Variants in QKI observed in about 807,000 individuals in gnomAD.
The protein encoded by QKI is QKI, KH domain containing RNA binding.
In QKI, 10 loss-of-function variants were observed where a neutral mutation model predicts 39.0. The ratio of observed to expected loss-of-function variants is 0.26; its 90% CI spans 0.16 to 0.43. QKI has a LOEUF of 0.43. Ranked by LOEUF, QKI falls within the 20% of genes least tolerant of loss-of-function variation. The pLI is 1.00. For synonymous variants in QKI, 204 were observed against 155.4 expected (o/e 1.31, Z -2.33); for missense variants, 218 against 428.0 (o/e 0.51, Z 4.33).
chr6:163,553,004 C>G (rs960568705), intron 4 of QKI, among the ~76,000 whole-genome samples: 1 of 150,844 alleles, frequency 6.6e-6, no homozygotes, highest in Non-Finnish European at 1.5e-5. Context: ...TGTCCCACCT[C>G]TCAAAACTAA....
intron 3 of QKI, among the ~76,000 whole-genome samples, chr6:163,487,584 G>T (rs899465939): frequency 2.6e-5 from 4 of 151,858 alleles, no homozygotes; most frequent in Non-Finnish European, 5.9e-5. Context: ...GATCTCTTAA[G>T]CCACTTCCCA....
chr6:163,544,229 T>TA (rs1781725880), intron 4 of QKI, among the ~76,000 whole-genome samples: 1 of 152,024 alleles, frequency 6.6e-6, no homozygotes, highest in Non-Finnish European at 1.5e-5. Context: ...AATGAAGTGA[T>TA]ATGTGGGCGT....
At chr6:163,550,581 C>T (rs1782164531) in intron 4 of QKI, among the ~76,000 whole-genome samples, 1 of 152,094 alleles carries the variant, frequency 6.6e-6, no homozygotes, top group African/African-American at 2.4e-5. Context: ...ACAGCAGTTG[C>T]CTTTTTTTCA....
intron 1 of QKI, among the ~76,000 whole-genome samples, chr6:163,454,846 G>C (rs1008344272): frequency 6.6e-6 from 1 of 152,102 alleles, no homozygotes; most frequent in African/African-American, 2.4e-5. Context: ...AAGTGGTCCC[G>C]TTTAAATATC....
chr6:163,499,812 G>A (rs1373683651), intron 3 of QKI, among the ~76,000 whole-genome samples: 9 of 152,224 alleles, frequency 5.9e-5, no homozygotes, highest in Admixed American at 3.9e-4. Context: ...AAACTGGGAG[G>A]TTCTTGCTCT....
At chr6:163,516,656 T>C (rs1311068713) in intron 3 of QKI, among the ~76,000 whole-genome samples, 1 of 152,214 alleles carries the variant, frequency 6.6e-6, no homozygotes, top group African/African-American at 2.4e-5. Flanking sequence ...TTTAATACCT[T>C]GATGACTTAT....
chr6:163,456,258 C>G (rs1300862242), intron 2 of QKI, among the ~76,000 whole-genome samples: 1 of 151,330 alleles, frequency 6.6e-6, no homozygotes, highest in Non-Finnish European at 1.5e-5. Flanking sequence ...CTTTTTTTTT[C>G]TTTGCAATAG....
chr6:163,434,037 C>T (rs1258814729), intron 1 of QKI, among the ~76,000 whole-genome samples: 1 of 152,070 alleles, frequency 6.6e-6, no homozygotes, highest in East Asian at 1.9e-4. Context: ...TTAGCAAAAC[C>T]GATGTCGATT....
intron 3 of QKI, among the ~76,000 whole-genome samples, chr6:163,528,186 C>T (rs1348947572): frequency 1.3e-5 from 2 of 152,144 alleles, no homozygotes; most frequent in African/African-American, 4.8e-5. Context: ...TAAATAATCT[C>T]ATCTACCCCT....
At chr6:163,485,598 A>C (rs1272006204) in intron 3 of QKI, among the ~76,000 whole-genome samples, 1 of 152,210 alleles carries the variant, frequency 6.6e-6, no homozygotes, top group Non-Finnish European at 1.5e-5. Context: ...CAAGAGGAGA[A>C]TAAGTAGCCA....
chr6:163,537,182 A>G (rs2128241820), intron 4 of QKI, among the ~76,000 whole-genome samples: 1 of 152,318 alleles, frequency 6.6e-6, no homozygotes, highest in Admixed American at 6.5e-5. Flanking sequence ...TGGGTGACAG[A>G]ATAAGACCCT....
intron 1 of QKI, among the ~76,000 whole-genome samples, chr6:163,452,630 C>T (rs551672457): frequency 6.6e-6 from 1 of 152,298 alleles, no homozygotes; most frequent in South Asian, 2.1e-4. Context: ...CAAGGAATCA[C>T]ATAGGTATTT....
chr6:163,520,109 GGAATT>G (rs2128237369), intron 3 of QKI, among the ~76,000 whole-genome samples: 1 of 152,162 alleles, frequency 6.6e-6, no homozygotes, highest in Non-Finnish European at 1.5e-5. Context: ...AATAGGGAGA[GGAATT>G]GAAGAATTTC....
At position 163,566,759 on chromosome 6, in the gene QKI, G is replaced by A; in HGVS notation, c.973G>A (p.Val325Ile). The change falls in exon 7 of 8, where the codon GTC becomes ATC. Residue 325 changes from valine to isoleucine, a missense_variant. Coordinates refer to ENST00000361752, the MANE Select transcript of QKI (RefSeq NM_006775.3). ...ATKVRRHDMRVHPYQRIVTAD... is the reference protein window; with the variant it reads ...ATKVRRHDMRIHPYQRIVTAD... Reference sequence around the variant, plus strand: ...TAAAGTTCGAAGGCACGATATGCGTGTCCATCCTTACCAAAGGATTGTGAC... The same window carrying A: ...TAAAGTTCGAAGGCACGATATGCGTATCCATCCTTACCAAAGGATTGTGAC... 6.2e-7 allele frequency: 1 copy of A among 1,613,818 alleles called. No individual in the cohort carries two copies. The highest frequency in any genetic ancestry group is 1.7e-5 in the Admixed American group (1 of 59,992).
intron 3 of QKI, among the ~76,000 whole-genome samples, chr6:163,479,883 A>C (rs1475032101): frequency 6.6e-6 from 1 of 152,240 alleles, no homozygotes; most frequent in Admixed American, 6.5e-5. Context: ...GATGTATGTC[A>C]GATCACTGGG....
chr6:163,491,275 T>C (rs1778038263), intron 3 of QKI, among the ~76,000 whole-genome samples: 1 of 152,146 alleles, frequency 6.6e-6, no homozygotes, highest in Admixed American at 6.5e-5. Flanking sequence ...AAACTGTCTT[T>C]TATCAAGAGA....
intron 1 of QKI, among the ~76,000 whole-genome samples, chr6:163,418,549 A>C (rs569323055): frequency 6.6e-6 from 1 of 152,092 alleles, no homozygotes; most frequent in Non-Finnish European, 1.5e-5. Context: ...AGTATCTTCA[A>C]CACGGTTGTT....
At chr6:163,468,784 A>G (rs974234565) in intron 2 of QKI, among the ~76,000 whole-genome samples, 1 of 152,150 alleles carries the variant, frequency 6.6e-6, no homozygotes, top group African/African-American at 2.4e-5. Flanking sequence ...GTGTTGTGAC[A>G]TTGTTTTAAT....
intron 4 of QKI, among the ~76,000 whole-genome samples, chr6:163,560,471 G>A (rs1025683029): frequency 1.2e-4 from 19 of 152,160 alleles, no homozygotes; most frequent in African/African-American, 4.6e-4. Context: ...AAGGAAGGTA[G>A]CATTTAGGTT....
Sources: allele counts gnomAD v4.1 joint callset (sites outside exome capture counted in the v4.1 genomes callset), GRCh38; gene constraint gnomAD v4.1.1; transcripts MANE v1.5; gene names NCBI Gene and HGNC (gene_info 2026-07-23, HGNC 2026-07-21).